The following CCDC148 variants were observed in gnomAD, a reference collection of about 807,000 sequenced individuals.
The protein encoded by CCDC148 is coiled-coil domain containing 148.
In CCDC148, 89 loss-of-function variants were observed where a neutral mutation model predicts 85.7. That is an observed-to-expected ratio of 1.04 (90% CI 0.87 to 1.24). CCDC148 has a LOEUF of 1.24. Ranked by LOEUF, CCDC148 falls within the 50% of genes most tolerant of loss-of-function variation. The probability of loss-of-function intolerance (pLI) is 0.00; values close to 1 mark genes in which losing one functional copy is unlikely to be tolerated. For missense variants in CCDC148, 692 were observed against 671.7 expected, an observed-to-expected ratio of 1.03 and a Z score of -0.33; for synonymous variants, 230 against 213.9, an observed-to-expected ratio of 1.08 and a Z score of -0.66.
intron 1 of CCDC148, among the ~76,000 whole-genome samples, chr2:158,440,416 A>G (rs1303967664): frequency 6.6e-6 from 1 of 152,112 alleles, no homozygotes; most frequent in Non-Finnish European, 1.5e-5. Context: ...AAACTGAAAC[A>G]ACTCAAATGC....
intron 9 of CCDC148, among the ~76,000 whole-genome samples, chr2:158,252,246 T>G (rs1688824135): frequency 6.6e-6 from 1 of 151,816 alleles, no homozygotes; most frequent in Non-Finnish European, 1.5e-5. Flanking sequence ...AAATTTCATT[T>G]TCTAAAGTAA....
At position 158,340,196 on chromosome 2, in the gene CCDC148, C is replaced by T. The variant is rs1682605050; in HGVS notation, c.486+46G>A. Reference sequence around the variant, plus strand: ...TTATCTCAAACTCTTCTAGTTGGGACAAAAATGAAATATTACATTATGGAA... The same window carrying T: ...TTATCTCAAACTCTTCTAGTTGGGATAAAAATGAAATATTACATTATGGAA... On this transcript the variant is annotated intron_variant, in intron 5 of 13. Coordinates refer to ENST00000283233, the MANE Select transcript of CCDC148 (RefSeq NM_138803.4). 14 of 1,584,196 alleles carry T rather than the reference C, an allele frequency of 8.8e-6. No individual in the cohort carries two copies. In the East Asian group the frequency reaches 3.1e-4, roughly 36 times the overall value.
intron 2 of CCDC148, among the ~76,000 whole-genome samples, chr2:158,357,066 C>G (rs1469674664): frequency 1.5e-5 from 2 of 137,532 alleles, no homozygotes. Flanking sequence ...GAATATCACA[C>G]TCGGGACTGT....
chr2:158,189,034 T>C (rs1351233812), intron 11 of CCDC148, among the ~76,000 whole-genome samples: 1 of 151,740 alleles, frequency 6.6e-6, no homozygotes, highest in Admixed American at 6.6e-5. Flanking sequence ...AAAACCACAA[T>C]GAGATACCAT....
At position 158,242,191 on chromosome 2, in the gene CCDC148, G is replaced by A. The variant is rs118037559; in HGVS notation, c.1251+8581C>T. On this transcript the variant is annotated intron_variant, in intron 10 of 13. Transcript: ENST00000283233. ...TAACCAGGCAAAGAGAAAAAGAACT[G>A]TATTCATGACAATAGTTTCTGAATC... 5.9e-5 allele frequency among the ~76,000 whole-genome samples: 9 copies of A among 152,242 alleles called. No homozygotes were observed. The East Asian group carries it at 1.7e-3, about 29-fold the overall frequency.
intron 3 of CCDC148, among the ~76,000 whole-genome samples, chr2:158,344,303 T>TG (rs942881814): frequency 3.9e-5 from 6 of 152,118 alleles, no homozygotes; most frequent in African/African-American, 1.4e-4. Flanking sequence ...TTTCTATGTT[T>TG]TAAGTTACAC....
chr2:158,342,091 G>A (rs1272727361), intron 3 of CCDC148, among the ~76,000 whole-genome samples: 3 of 136,398 alleles, frequency 2.2e-5, no homozygotes, highest in African/African-American at 8.4e-5. Flanking sequence ...GTGCAATGGC[G>A]TGATCTCGAC....
intron 5 of CCDC148, among the ~76,000 whole-genome samples, chr2:158,339,483 A>G (rs1682559523): frequency 6.6e-6 from 1 of 152,214 alleles, no homozygotes. Context: ...ACATTACAGA[A>G]TAACTGAAAA....
chr2:158,366,106 C>T (rs1684192030), intron 1 of CCDC148: 2 of 1,392,562 alleles, frequency 1.4e-6, no homozygotes, highest in Non-Finnish European at 1.9e-6. Flanking sequence ...ACTAAAATTT[C>T]ATAATATTAT....
chr2:158,277,900 A>G (rs1175126456), intron 9 of CCDC148, among the ~76,000 whole-genome samples: 1 of 152,132 alleles, frequency 6.6e-6, no homozygotes, highest in Non-Finnish European at 1.5e-5. Flanking sequence ...ATACAAAGAA[A>G]CTGAGGCTTA....
At chr2:158,243,852 A>C (rs1455149137) in intron 10 of CCDC148, among the ~76,000 whole-genome samples, 4 of 151,146 alleles carry the variant, frequency 2.6e-5, no homozygotes, top group Admixed American at 1.3e-4. Context: ...TTTTCTTTTT[A>C]CTATAAGCAG....
intron 1 of CCDC148, among the ~76,000 whole-genome samples, chr2:158,455,491 C>T (rs1688611274): frequency 6.6e-6 from 1 of 152,032 alleles, no homozygotes; most frequent in African/African-American, 2.4e-5. Flanking sequence ...AAGCATATCA[C>T]CCAACTTAAA....
intron 1 of CCDC148, among the ~76,000 whole-genome samples, chr2:158,427,461 G>A (rs1021054051): frequency 1.3e-5 from 2 of 152,128 alleles, no homozygotes; most frequent in African/African-American, 4.8e-5. Flanking sequence ...TTGAAGAGGT[G>A]GCAAAGCTGA....
chr2:158,451,355 C>T lies in CCDC148; in HGVS notation c.25+5060G>A, dbSNP rs181654519. Among the ~76,000 whole-genome samples, 63 of 152,170 alleles carry T rather than the reference C, an allele frequency of 4.1e-4. 2 individuals carry two copies. The East Asian group carries it at 0.012, about 28-fold the overall frequency. ...GGTCTCATAATTTTTGTTGATAATT[C>T]AGTATTTTAAATAAAATATAGTAGC... On this transcript the variant is annotated intron_variant, in intron 1 of 13. Coordinates refer to ENST00000283233, the MANE Select transcript of CCDC148 (RefSeq NM_138803.4).
At chr2:158,241,630 C>T (rs1688355055) in intron 10 of CCDC148, among the ~76,000 whole-genome samples, 4 of 152,054 alleles carry the variant, frequency 2.6e-5, no homozygotes, top group Admixed American at 6.6e-5. Context: ...ACCCTTAATG[C>T]CCCCTTTGGA....
intron 11 of CCDC148, among the ~76,000 whole-genome samples, chr2:158,186,777 C>T (rs1574359865): frequency 6.6e-6 from 1 of 152,066 alleles, no homozygotes; most frequent in South Asian, 2.1e-4. Flanking sequence ...TTGCTAGGTC[C>T]CAGGTTAGGC....
At chr2:158,432,180 A>G (rs116189655) in intron 1 of CCDC148, among the ~76,000 whole-genome samples, 156 of 152,184 alleles carry the variant, frequency 1.0e-3, no homozygotes, top group Admixed American at 2.8e-3. Context: ...AGAATAAAAC[A>G]TAATCAAAAG....
intron 1 of CCDC148, among the ~76,000 whole-genome samples, chr2:158,428,327 C>T (rs936966790): frequency 6.6e-5 from 10 of 151,856 alleles, no homozygotes; most frequent in Admixed American, 2.0e-4. Context: ...AGGGATTGCA[C>T]GGAATAAGAA....
intron 3 of CCDC148, among the ~76,000 whole-genome samples, chr2:158,344,029 G>A (rs1320905532): frequency 1.3e-5 from 2 of 151,914 alleles, no homozygotes; most frequent in East Asian, 1.9e-4. Flanking sequence ...TAAGAAAGAC[G>A]TGGAATAGCC....
Sources: allele counts gnomAD v4.1 joint callset (sites outside exome capture counted in the v4.1 genomes callset), GRCh38; gene constraint gnomAD v4.1.1; transcripts MANE v1.5; gene names NCBI Gene and HGNC (gene_info 2026-07-23, HGNC 2026-07-21).